Variants in GNB1 observed in about 807,000 individuals in gnomAD.
GNB1 encodes the protein guanine nucleotide-binding protein G(I)/G(S)/G(T) subunit beta-1.
Under a neutral mutation model 42.9 loss-of-function variants are expected in GNB1, and 2 were observed. That is an observed-to-expected ratio of 0.05 (90% CI 0.02 to 0.15). The LOEUF is 0.15. Among genes scored for constraint, GNB1 ranks in the 10% least tolerant of loss-of-function variants. The pLI is 1.00. For missense variants in GNB1, 193 were observed against 462.2 expected (o/e 0.42, Z 5.34); for synonymous variants, 183 against 174.7 (o/e 1.05, Z -0.38).
intron 1 of GNB1, among the ~76,000 whole-genome samples, chr1:1,857,615 C>G (rs1402100613): frequency 6.6e-6 from 1 of 152,004 alleles, no homozygotes; most frequent in African/African-American, 2.4e-5. Context: ...ATGGGTAGGC[C>G]AAGCAATGAC....
intron 2 of GNB1, among the ~76,000 whole-genome samples, chr1:1,835,350 T>C (rs1016484628): frequency 2.0e-5 from 3 of 152,190 alleles, no homozygotes; most frequent in Non-Finnish European, 2.9e-5. Flanking sequence ...TGCCTACATT[T>C]TTTTGTCTGA....
intron 8 of GNB1, among the ~76,000 whole-genome samples, chr1:1,791,421 C>T (rs1406311627): frequency 2.0e-5 from 3 of 152,006 alleles, no homozygotes; most frequent in African/African-American, 4.8e-5. Context: ...GTGATCCGCC[C>T]GCCTCGGCCT....
chr1:1,868,423 G>A (rs975502177), intron 1 of GNB1, among the ~76,000 whole-genome samples: 14 of 152,116 alleles, frequency 9.2e-5, no homozygotes, highest in Non-Finnish European at 7.4e-5. Flanking sequence ...ACCTGCCTCA[G>A]CCTCCCAAAG....
chr1:1,806,758 G>A (rs1029756529), intron 5 of GNB1, among the ~76,000 whole-genome samples: 1 of 152,194 alleles, frequency 6.6e-6, no homozygotes, highest in Non-Finnish European at 1.5e-5. Flanking sequence ...CAGATCACAT[G>A]AGGTCAGGAG....
chr1:1,797,675 G>A (rs1038165085), intron 7 of GNB1, among the ~76,000 whole-genome samples: 38 of 152,208 alleles, frequency 2.5e-4, no homozygotes, highest in Admixed American at 1.9e-3. Flanking sequence ...AACATCAGGT[G>A]ATCCACCTGC....
At chr1:1,877,309 A>AT (rs1164704842) in intron 1 of GNB1, among the ~76,000 whole-genome samples, 18 of 143,610 alleles carry the variant, frequency 1.3e-4, no homozygotes, top group African/African-American at 2.3e-4. Context: ...AAAAAAAAAA[A>AT]AAAAAAAATA....
chr1:1,811,716 G>C (rs1646782105), intron 5 of GNB1, among the ~76,000 whole-genome samples: 1 of 150,998 alleles, frequency 6.6e-6, no homozygotes, highest in Non-Finnish European at 1.5e-5. Flanking sequence ...AGACAAATTA[G>C]TAGTCATTTC....
At chr1:1,843,880 T>C (rs1296400665) in intron 1 of GNB1, among the ~76,000 whole-genome samples, 1 of 151,542 alleles carries the variant, frequency 6.6e-6, no homozygotes, top group African/African-American at 2.4e-5. Context: ...GCCAACATGG[T>C]GAAACCCTCT....
intron 7 of GNB1, among the ~76,000 whole-genome samples, chr1:1,794,703 A>G (rs1466545923): frequency 6.6e-6 from 1 of 152,122 alleles, no homozygotes; most frequent in Non-Finnish European, 1.5e-5. Context: ...TATTATCACT[A>G]TTTTTTGAGA....
intron 1 of GNB1, among the ~76,000 whole-genome samples, chr1:1,878,630 G>A (rs1649677282): frequency 6.6e-6 from 1 of 151,962 alleles, no homozygotes; most frequent in African/African-American, 2.4e-5. Context: ...TGTCGCATAG[G>A]TAACATTCCT....
chr1:1,834,883 T>C (rs922181141), intron 2 of GNB1, among the ~76,000 whole-genome samples: 22 of 152,006 alleles, frequency 1.4e-4, no homozygotes, highest in East Asian at 7.7e-4. Context: ...TTAGCCAGGA[T>C]GGTCTTGATC....
chr1:1,820,176 G>A (rs937373551), intron 3 of GNB1, among the ~76,000 whole-genome samples: 2 of 151,928 alleles, frequency 1.3e-5, no homozygotes, highest in Admixed American at 6.6e-5. Flanking sequence ...GGCCAACATG[G>A]TGAAACCCCA....
At chr1:1,822,969 G>A (rs1646951749) in intron 3 of GNB1, among the ~76,000 whole-genome samples, 1 of 152,102 alleles carries the variant, frequency 6.6e-6, no homozygotes, top group Non-Finnish European at 1.5e-5. Context: ...TAGGCCGGGC[G>A]TGGTGGCTCA....
chr1:1,826,923 A>G (rs1356799587), intron 2 of GNB1, among the ~76,000 whole-genome samples: 1 of 152,216 alleles, frequency 6.6e-6, no homozygotes, highest in African/African-American at 2.4e-5. Flanking sequence ...TGACTCAAGT[A>G]TAACAAAGCT....
chr1:1,834,258 C>T (rs1647115101), intron 2 of GNB1, among the ~76,000 whole-genome samples: 1 of 152,126 alleles, frequency 6.6e-6, no homozygotes, highest in South Asian at 2.1e-4. Context: ...TGAGGCACAG[C>T]TGCTAAGAGC....
intron 5 of GNB1, 47 bp from the exon 6 acceptor site, chr1:1,806,585 A>T (rs372291632): frequency 1.6e-5 from 21 of 1,294,344 alleles, no homozygotes; most frequent in Non-Finnish European, 2.3e-5. Context: ...CACAACACAG[A>T]AAGTGTACAA....
chr1:1,850,988 G>A lies in GNB1; in HGVS notation c.-95-11750C>T, dbSNP rs544039335. ...TATTTTTCTCAAAAACATACTGGCC[G>A]GCCAGGCGCGGTGGCTTACGCCTGT... is the stretch of plus-strand genomic sequence containing the variant. On this transcript the variant is annotated intron_variant, in intron 1 of 11. Coordinates refer to ENST00000378609, the MANE Select transcript of GNB1 (RefSeq NM_002074.5). 2.3e-4 allele frequency among the ~76,000 whole-genome samples: 35 copies of A among 152,340 alleles called. 1 individual carries two copies. The highest frequency in any genetic ancestry group is 6.3e-4 in the African/African-American group (26 of 41,592).
intron 1 of GNB1, among the ~76,000 whole-genome samples, chr1:1,881,657 C>T (rs112219270): frequency 0.015 from 2,238 of 152,244 alleles, 25 homozygotes; most frequent in Non-Finnish European, 0.023. Context: ...GCCCTGGCCT[C>T]CCAAAGTGGT....
At chr1:1,810,805 T>C (rs1184478772) in intron 5 of GNB1, among the ~76,000 whole-genome samples, 8 of 150,626 alleles carry the variant, frequency 5.3e-5, no homozygotes, top group African/African-American at 2.0e-4. Flanking sequence ...GTAGCTGGGA[T>C]TACAGGCACC....
Sources: allele counts gnomAD v4.1 joint callset (sites outside exome capture counted in the v4.1 genomes callset), GRCh38; gene constraint gnomAD v4.1.1; transcripts MANE v1.5; gene names NCBI Gene and HGNC (gene_info 2026-07-23, HGNC 2026-07-21).